Variants in STAB2 observed in about 807,000 individuals in gnomAD.
STAB2 encodes stabilin 2, also known as stabilin-2.
In STAB2, 288 loss-of-function variants were observed where a neutral mutation model predicts 338.1. That is an observed-to-expected ratio of 0.85 (90% confidence interval 0.77 to 0.94). STAB2 has a LOEUF of 0.94. Ranked by LOEUF, STAB2 falls within the 40% of genes least tolerant of loss-of-function variation. STAB2 has a pLI of 0.00. For missense variants in STAB2, 3,141 were observed against 3,210.1 expected (o/e 0.98, Z 0.52); for synonymous variants, 1,202 against 1,193.3 (o/e 1.01, Z -0.15).
Position 103,739,572 on chromosome 12 carries a change from T to TGTGTGC in STAB2, c.5754+105_5754+106insTGTGCG, listed in dbSNP as rs373686630. On this transcript the variant is annotated intron_variant, in intron 54 of 68. Coordinates refer to ENST00000388887, the MANE Select transcript of STAB2 (RefSeq NM_017564.10). ...GTGTGTGTGTGTGTGTGTGTGTGTG[T>TGTGTGC]GCCCGTGCACGTATGTTGCATAAAT... 3.6e-3 allele frequency: 2,655 copies of TGTGTGC among 733,698 alleles called. 32 individuals carry two copies. Among genetic ancestry groups the TGTGTGC allele is most frequent in the African/African-American group, 0.028 (1,393 of 49,638 alleles). 45.4% of individuals were successfully genotyped at this position (733,698 alleles called of 1,614,324 possible).
chr12:103,607,461 T>TGCCATGTTGGTGTGTC (rs1957048532), intron 3 of STAB2, among the ~76,000 whole-genome samples: 1 of 151,900 alleles, frequency 6.6e-6, no homozygotes, highest in East Asian at 1.9e-4. Context: ...TATGTATACG[T>TGCCATGTTGGTGTGTC]GTGCCATGTT....
At chr12:103,762,779 C>G (rs565070663) in intron 67 of STAB2, among the ~76,000 whole-genome samples, 3 of 152,324 alleles carry the variant, frequency 2.0e-5, no homozygotes, top group African/African-American at 4.8e-5. Context: ...AAGACCGGCT[C>G]TGAGAACTGG....
At chr12:103,613,185 G>T (rs7977594) in intron 3 of STAB2, among the ~76,000 whole-genome samples, 3,765 of 152,304 alleles carry the variant, frequency 0.025, 65 homozygotes, top group Middle Eastern at 0.048. Flanking sequence ...CAAGCTGCGT[G>T]CTGGGAGAAT....
intron 2 of STAB2, among the ~76,000 whole-genome samples, chr12:103,593,671 C>T (rs1956833456): frequency 6.6e-6 from 1 of 152,174 alleles, no homozygotes; most frequent in African/African-American, 2.4e-5. Context: ...ACCTTGAATT[C>T]ATCATCATGT....
In STAB2 at chr12:103,662,895, C is replaced by T. The variant is rs761905917; in HGVS notation, c.1919C>T (p.Ala640Val). The T allele has an allele frequency of 5.6e-6, 9 of 1,614,158 alleles. No individual in the cohort carries two copies. Among genetic ancestry groups the T allele is most frequent in the South Asian group, 1.1e-5 (1 of 91,080 alleles). The change falls in exon 18 of 69, where the codon GCC becomes GTC. Residue 640 changes from alanine (A) to valine (V), a missense_variant. Transcript: ENST00000388887. ...DVAMEEIEITAKNGRIYTLTG... is the reference protein window; with the variant it reads ...DVAMEEIEITVKNGRIYTLTG... ...GCAATGGAAGAAATTGAGATCACTG[C>T]CAAAAATGGCCGAATTTACACACTG...
In STAB2 at chr12:103,685,075, C is replaced by T. The variant is rs182793026; in HGVS notation, c.2988C>T (p.Asn996=). 1.5e-5 allele frequency: 25 copies of T among 1,613,792 alleles called. No individual in the cohort carries two copies. The highest frequency in any genetic ancestry group is 1.7e-4 in the Middle Eastern group (1 of 6,054). ...GAGATGGCTTTCTGTGCTATGGAAA[C>T]GCAGCAGTGGTAAGTCATCGATGAT... ...YEGDGFLCYG[N]AAVELSFLSE... The change falls in exon 27 of 69, where the codon AAC becomes AAT. Residue 996 remains asparagine, a synonymous_variant. Transcript: ENST00000388887.
chr12:103,628,707 ACACCAGT>A (rs1389343688), intron 5 of STAB2, among the ~76,000 whole-genome samples: 3 of 152,014 alleles, frequency 2.0e-5, no homozygotes, highest in African/African-American at 7.3e-5. Flanking sequence ...TCTTATGAGG[ACACCAGT>A]CAAATTGAAT....
rs1018315005 is a variant in STAB2 at position 103,685,709 on chromosome 12, C to A, written c.2997+625C>A. 4.6e-4 allele frequency among the ~76,000 whole-genome samples: 70 copies of A among 152,144 alleles called. 2 individuals are homozygous for A. The highest frequency in any genetic ancestry group is 4.8e-5 in the African/African-American group (2 of 41,422). On this transcript the variant is annotated intron_variant, in intron 27 of 68. Coordinates refer to ENST00000388887, the MANE Select transcript of STAB2 (RefSeq NM_017564.10). ...TCAAGTGCAGAGCCCAAATATTTAACCACCAGTGTAGAACATTCTATCTGT... is the reference window on the plus strand; with the variant it reads ...TCAAGTGCAGAGCCCAAATATTTAAACACCAGTGTAGAACATTCTATCTGT...
intron 27 of STAB2, among the ~76,000 whole-genome samples, chr12:103,686,024 A>G (rs1877402088): frequency 6.6e-6 from 1 of 152,074 alleles, no homozygotes; most frequent in South Asian, 2.1e-4. Context: ...TTGTCCCTCT[A>G]CAACCATAAA....
intron 6 of STAB2, among the ~76,000 whole-genome samples, chr12:103,635,448 C>T (rs1252015153): frequency 6.6e-6 from 1 of 152,244 alleles, no homozygotes; most frequent in African/African-American, 2.4e-5. Context: ...CTTAGCCCCA[C>T]ATGGTTTCTC....
At position 103,759,169 on chromosome 12, in the gene STAB2, A is replaced by T. The variant is rs1417136491; in HGVS notation, c.7144A>T (p.Asn2382Tyr). ...GCGGGACATCGAGCACCACCTCGCC[A>T]ATGTCAGCATGTTTTTCTACAATGA... is the stretch of plus-strand genomic sequence containing the variant. ...SGRDIEHHLA[N>Y]VSMFFYNDLV... The change falls in exon 65 of 69, where the codon AAT becomes TAT. Residue 2382 changes from asparagine to tyrosine, a missense_variant. Physicochemically the swap from Asn to Tyr is moderately radical, Grantham distance 143. Transcript: ENST00000388887. The T allele has an allele frequency of 6.2e-7, 1 of 1,614,042 alleles. No individual in the cohort carries two copies. Among genetic ancestry groups the T allele is most frequent in the African/African-American group, 1.3e-5 (1 of 74,900 alleles).
chr12:103,648,063 A>T (rs1272573347), intron 9 of STAB2, among the ~76,000 whole-genome samples: 4 of 152,256 alleles, frequency 2.6e-5, no homozygotes, highest in Non-Finnish European at 5.9e-5. Context: ...ATAGGGAAGC[A>T]GATATTAATC....
At chr12:103,627,175 A>G (rs1957393382) in intron 5 of STAB2, among the ~76,000 whole-genome samples, 4 of 152,060 alleles carry the variant, frequency 2.6e-5, no homozygotes, top group South Asian at 2.1e-4. Context: ...GACCCCACAT[A>G]TGTGACTCCA....
At chr12:103,654,414 C>A (rs2138743524) in intron 12 of STAB2, 141 bp from the exon 13 acceptor site, 1 of 888,148 alleles carries the variant, frequency 1.1e-6, no homozygotes, top group Middle Eastern at 3.5e-4. Flanking sequence ...TTCATCCCCA[C>A]TTTAGATTAA....
Position 103,758,211 on chromosome 12 carries a change from A to G in STAB2, c.7029A>G (p.Ala2343=), listed in dbSNP as rs1468524112. The change falls in exon 64 of 69, where the codon GCA becomes GCG. Residue 2343 remains alanine (A), a synonymous_variant. Coordinates refer to ENST00000388887, the MANE Select transcript of STAB2 (RefSeq NM_017564.10). The stretch of plus-strand genomic sequence containing the variant: ...CCAACAGCTCAGCTCGAGGCCGTGC[A>G]TTTCTAGAACACCTGACTGACCTGT... ...AYSNSSARGR[A]FLEHLTDLSI... is the part of the protein sequence containing the mutation. 4.3e-6 allele frequency: 7 copies of G among 1,614,152 alleles called. No individual in the cohort carries two copies. The highest frequency in any genetic ancestry group is 4.2e-6 in the Non-Finnish European group (5 of 1,180,030).
At chr12:103,738,732 A>G (rs1257509011) in intron 53 of STAB2, among the ~76,000 whole-genome samples, 1 of 152,232 alleles carries the variant, frequency 6.6e-6, no homozygotes, top group African/African-American at 2.4e-5. Context: ...TATTTATTAT[A>G]AAACTAAGGC....
At chr12:103,590,820 A>G (rs1956784835) in intron 1 of STAB2, 77 bp from the exon 2 acceptor site, 1 of 1,556,834 alleles carries the variant, frequency 6.4e-7, no homozygotes. Flanking sequence ...ATTCCAGTGG[A>G]GAAGATTGGC....
At chr12:103,651,626 T>C (rs1873751108) in intron 11 of STAB2, among the ~76,000 whole-genome samples, 2 of 152,182 alleles carry the variant, frequency 1.3e-5, no homozygotes, top group Non-Finnish European at 2.9e-5. Context: ...TCTTGATTTT[T>C]ATTGTGTGTT....
At chr12:103,721,455 A>G (rs921918236) in intron 44 of STAB2, among the ~76,000 whole-genome samples, 7 of 152,200 alleles carry the variant, frequency 4.6e-5, no homozygotes, top group African/African-American at 1.2e-4. Context: ...ACCTTACCCC[A>G]TGTAGGCTAT....
Sources: gnomAD v4.1 joint callset for allele counts (sites outside exome capture counted in the v4.1 genomes callset) on GRCh38, gnomAD v4.1.1 for gene constraint, MANE v1.5 for transcripts, NCBI Gene and HGNC (gene_info 2026-07-23, HGNC 2026-07-21) for gene names.